The following MRAS variants were observed in gnomAD, a reference collection of about 807,000 sequenced individuals.
MRAS encodes ras-related protein M-Ras.
In MRAS, 4 loss-of-function variants were observed where a neutral mutation model predicts 20.9. That is an observed-to-expected ratio of 0.19 (90% CI 0.09 to 0.44). The LOEUF is 0.44. Ranked by LOEUF, MRAS falls within the 20% of genes least tolerant of loss-of-function variation. MRAS has a pLI of 0.99. For missense variants in MRAS, 154 were observed against 277.5 expected, an observed-to-expected ratio of 0.56 and a Z score of 3.16; for synonymous variants, 98 against 102.9, an observed-to-expected ratio of 0.95 and a Z score of 0.29.
intron 2 of MRAS, among the ~76,000 whole-genome samples, chr3:138,377,418 A>AAC (rs1011249933): frequency 2.0e-5 from 3 of 152,226 alleles, no homozygotes; most frequent in Non-Finnish European, 4.4e-5. Context: ...CAGCCTGACC[A>AAC]ACATAGTGAA....
intron 1 of MRAS, among the ~76,000 whole-genome samples, chr3:138,372,148 A>G (rs2054687722): frequency 6.6e-6 from 1 of 152,044 alleles, no homozygotes; most frequent in South Asian, 2.1e-4. Context: ...CCATTTTGAC[A>G]ACAAAAAAAA....
chr3:138,369,330 G>C (rs988503436), intron 1 of MRAS, among the ~76,000 whole-genome samples: 2 of 152,186 alleles, frequency 1.3e-5, no homozygotes, highest in Admixed American at 6.5e-5. Context: ...GAACTTCAGG[G>C]CTCAAAGCGC....
chr3:138,379,577 C>T (rs779433579), intron 2 of MRAS, among the ~76,000 whole-genome samples: 2 of 152,096 alleles, frequency 1.3e-5, no homozygotes, highest in Admixed American at 6.6e-5. Context: ...AGGTTGGTCT[C>T]GAACTCCTGA....
rs1457210552 is a variant in MRAS at position 138,358,278 on chromosome 3, A to G, written c.-19+9511A>G. 2.6e-5 allele frequency among the ~76,000 whole-genome samples: 4 copies of G among 152,182 alleles called. No individual in the cohort carries two copies. The East Asian group carries it at 7.8e-4, about 30-fold the overall frequency. On this transcript the variant is annotated intron_variant, in intron 1 of 5. Coordinates refer to ENST00000423968, the MANE Select transcript of MRAS (RefSeq NM_001085049.3). ...CTTGAATCCAGGAGGCAGAGTCTGC[A>G]CTGAGCCAAGATTGTGCCATTGCAC...
At position 138,402,610 on chromosome 3, in the gene MRAS, T is replaced by G. The variant is rs2055384019; in HGVS notation, c.*341T>G. ...TAGTGTTGGTTTGATGTGGAAGTGT[T>G]TATCCACATACAAAGTACAAAACAA... On this transcript the variant is annotated 3_prime_UTR_variant, in exon 6 of 6. Transcript: ENST00000423968. 4.1e-6 allele frequency: 1 copy of G among 242,450 alleles called. No individual in the cohort carries two copies. The highest frequency in any genetic ancestry group is 7.7e-5 in the East Asian group (1 of 12,990). 15.0% of individuals were successfully genotyped at this position (242,450 alleles called of 1,614,324 possible). A position where few individuals can be genotyped will look rare whatever the true frequency, so the allele number is the denominator to read the frequency against.
Position 138,402,628 on chromosome 3 carries a change from C to T in MRAS, c.*359C>T. On this transcript the variant is annotated 3_prime_UTR_variant, in exon 6 of 6. Transcript: ENST00000423968. ...GAAGTGTTTATCCACATACAAAGTA[C>T]AAAACAAGCCATGAACAAGCTTCTT... The T allele has an allele frequency of 4.9e-6, 1 of 202,474 alleles. No individual in the cohort carries two copies. Among genetic ancestry groups the T allele is most frequent in the Admixed American group, 5.8e-5 (1 of 17,234 alleles). The allele number at this position is 202,474 out of a possible 1,614,324, so 12.5% of individuals were successfully genotyped here.
intron 1 of MRAS, among the ~76,000 whole-genome samples, chr3:138,356,341 T>TG (rs758909021): frequency 2.0e-5 from 3 of 152,174 alleles, no homozygotes; most frequent in African/African-American, 7.2e-5. Flanking sequence ...TGACCATTTA[T>TG]GGGGGGTGTT....
chr3:138,365,897 T>C (rs1204211569), intron 1 of MRAS, among the ~76,000 whole-genome samples: 5 of 152,212 alleles, frequency 3.3e-5, no homozygotes, highest in Non-Finnish European at 7.3e-5. Flanking sequence ...ACTTGATGTT[T>C]ATGGCATGAA....
intron 2 of MRAS, among the ~76,000 whole-genome samples, chr3:138,384,300 T>C (rs2054964844): frequency 6.6e-6 from 1 of 152,146 alleles, no homozygotes. Context: ...CTGGCTCTGG[T>C]GTGAACGGAA....
chr3:138,354,249 A>T (rs1282984275), intron 1 of MRAS, among the ~76,000 whole-genome samples: 2 of 152,094 alleles, frequency 1.3e-5, no homozygotes, highest in Non-Finnish European at 2.9e-5. Context: ...TTTAATTTTG[A>T]AAAAGAAAAG....
At position 138,367,990 on chromosome 3, in the gene MRAS, C is replaced by T. The variant is rs536268395; in HGVS notation, c.-18-4876C>T. ...AGGCAGAAGTTTCCAGTATGAACAA[C>T]GGGTTTGGGTTGCCATGCAGCCTGT... On this transcript the variant is annotated intron_variant, in intron 1 of 5. Coordinates refer to ENST00000423968, the MANE Select transcript of MRAS (RefSeq NM_001085049.3). Among the ~76,000 whole-genome samples the T allele has an allele frequency of 7.2e-5, 11 of 152,322 alleles. No homozygotes were observed. In the South Asian group the frequency reaches 8.3e-4, roughly 11 times the overall value.
intron 1 of MRAS, among the ~76,000 whole-genome samples, chr3:138,358,464 A>C (rs892731345): frequency 5.3e-5 from 8 of 152,254 alleles, no homozygotes; most frequent in Non-Finnish European, 1.2e-4. Context: ...TATCATTATT[A>C]CTAGCCAGGT....
intron 2 of MRAS, among the ~76,000 whole-genome samples, chr3:138,390,934 CTG>C (rs1479286508): frequency 6.6e-6 from 1 of 152,208 alleles, no homozygotes; most frequent in Admixed American, 6.5e-5. Context: ...TATTATCAAA[CTG>C]TGTATGGTTT....
chr3:138,398,930 G>A (rs559610138), intron 4 of MRAS, among the ~76,000 whole-genome samples: 2 of 152,228 alleles, frequency 1.3e-5, no homozygotes, highest in Admixed American at 6.5e-5. Context: ...GGGGCTCCAG[G>A]TAGGTCCCAG....
At chr3:138,358,728 C>T (rs969470992) in intron 1 of MRAS, among the ~76,000 whole-genome samples, 2 of 152,242 alleles carry the variant, frequency 1.3e-5, no homozygotes, top group Admixed American at 1.3e-4. Context: ...AAACAACTAA[C>T]TAGCAGTTAA....
intron 2 of MRAS, among the ~76,000 whole-genome samples, chr3:138,396,220 G>A (rs941174953): frequency 6.6e-6 from 1 of 152,202 alleles, no homozygotes; most frequent in Non-Finnish European, 1.5e-5. Flanking sequence ...TTTGTGCCAG[G>A]CACTGCACTG....
chr3:138,370,530 C>T (rs528100044), intron 1 of MRAS, among the ~76,000 whole-genome samples: 4 of 152,130 alleles, frequency 2.6e-5, no homozygotes, highest in South Asian at 2.1e-4. Context: ...CTGCCTTCAC[C>T]GTCATGGATT....
Position 138,405,435 on chromosome 3 carries a change from C to T in MRAS, c.*3166C>T, listed in dbSNP as rs138810371. The T allele has an allele frequency of 1.3e-5, 2 of 152,796 alleles. No homozygotes were observed. The highest frequency in any genetic ancestry group is 6.5e-5 in the Admixed American group (1 of 15,312). The allele number at this position is 152,796 out of a possible 1,614,324, so 9.5% of individuals were successfully genotyped here. A position where few individuals can be genotyped will look rare whatever the true frequency, so the allele number is the denominator to read the frequency against. ...TTAACAGGTGGCCATTGTCGTGAAA[C>T]GAGTGATGCCTGAAGATCTCAGTGA... On this transcript the variant is annotated 3_prime_UTR_variant, in exon 6 of 6. Coordinates refer to ENST00000423968, the MANE Select transcript of MRAS (RefSeq NM_001085049.3).
intron 1 of MRAS, chr3:138,350,017 C>G (rs548547981): frequency 6.6e-6 from 1 of 152,228 alleles, no homozygotes; most frequent in Non-Finnish European, 1.5e-5. Flanking sequence ...TCCTGGGCTT[C>G]GGAAGGCTCT....
Sources: allele counts gnomAD v4.1 joint callset (sites outside exome capture counted in the v4.1 genomes callset), GRCh38; gene constraint gnomAD v4.1.1; transcripts MANE v1.5; gene names NCBI Gene and HGNC (gene_info 2026-07-23, HGNC 2026-07-21).